The following PIGK variants were observed in gnomAD, a reference collection of about 807,000 sequenced individuals.
PIGK encodes phosphatidylinositol glycan anchor biosynthesis class K, also known as GPI-anchor transamidase.
PIGK carries 42 observed loss-of-function variants against 50.6 expected under a neutral mutation model. That is an observed-to-expected ratio of 0.83 (90% CI 0.65 to 1.07). PIGK has a LOEUF of 1.07. PIGK is among the 50% of genes least tolerant of loss of function. The probability of loss-of-function intolerance (pLI) is 0.00; values close to 1 mark genes in which losing one functional copy is unlikely to be tolerated. For synonymous variants in PIGK, 151 were observed against 156.0 expected, an observed-to-expected ratio of 0.97 and a Z score of 0.24; for missense variants, 448 against 488.7, an observed-to-expected ratio of 0.92 and a Z score of 0.78.
At chr1:77,210,052 A>G (rs769968147) in intron 2 of PIGK, among the ~76,000 whole-genome samples, 1 of 152,072 alleles carries the variant, frequency 6.6e-6, no homozygotes, top group African/African-American at 2.4e-5. Context: ...TTATTTTTAT[A>G]AGCAGAAAAA....
At chr1:77,119,783 T>C in intron 10 of PIGK, among the ~76,000 whole-genome samples, 1 of 152,180 alleles carries the variant, frequency 6.6e-6, no homozygotes, top group East Asian at 1.9e-4. Context: ...AGCTTCTAAG[T>C]TGTGCTACTA....
At chr1:77,171,455 A>AAAAAAAAAAAAAAAAAAT in intron 3 of PIGK, among the ~76,000 whole-genome samples, 1 of 148,892 alleles carries the variant, frequency 6.7e-6, no homozygotes, top group Non-Finnish European at 1.5e-5. Flanking sequence ...AAAAAAAAAA[A>AAAAAAAAAAAAAAAAAAT]AAAAAAAAGA....
intron 10 of PIGK, among the ~76,000 whole-genome samples, chr1:77,104,703 C>A (rs1423190326): frequency 6.6e-6 from 1 of 152,164 alleles, no homozygotes; most frequent in Admixed American, 6.5e-5. Flanking sequence ...AACACAGGCA[C>A]CCTGTTTACT....
At chr1:77,166,638 GT>G (rs1655240692) in intron 5 of PIGK, 80 bp downstream of exon 5, 5 of 668,420 alleles carry the variant, frequency 7.5e-6, no homozygotes, top group Non-Finnish European at 1.0e-5. Context: ...CATTTCACGT[GT>G]TTAAATTTCT....
intron 9 of PIGK, among the ~76,000 whole-genome samples, chr1:77,145,164 T>C (rs1313236018): frequency 1.3e-5 from 2 of 151,994 alleles, no homozygotes; most frequent in Non-Finnish European, 2.9e-5. Context: ...CAAAGAGATG[T>C]TACTATTGAA....
intron 1 of PIGK, among the ~76,000 whole-genome samples, chr1:77,211,856 T>G (rs1656429818): frequency 6.6e-6 from 1 of 151,626 alleles, no homozygotes; most frequent in South Asian, 2.1e-4. Context: ...GGGGCCTGAT[T>G]GCTTTTAAAC....
intron 5 of PIGK, among the ~76,000 whole-genome samples, chr1:77,164,338 T>C (rs11162280): frequency 3.3e-5 from 5 of 152,080 alleles, no homozygotes; most frequent in Admixed American, 2.0e-4. Context: ...GAGCAGAAGA[T>C]TGTGCTATTT....
At chr1:77,106,405 T>G (rs1303816649) in intron 10 of PIGK, among the ~76,000 whole-genome samples, 1 of 152,164 alleles carries the variant, frequency 6.6e-6, no homozygotes, top group Non-Finnish European at 1.5e-5. Flanking sequence ...CAAATTAACT[T>G]TTTGGAACAC....
chr1:77,169,423 T>C (rs764865294), intron 3 of PIGK, 28 bp from the exon 4 acceptor site: 2 of 1,535,154 alleles, frequency 1.3e-6, no homozygotes, highest in Non-Finnish European at 1.8e-6. Context: ...AGTAAATATA[T>C]AATTTAGATA....
intron 9 of PIGK, among the ~76,000 whole-genome samples, chr1:77,132,704 A>G (rs1654406591): frequency 6.6e-6 from 1 of 152,016 alleles, no homozygotes; most frequent in Non-Finnish European, 1.5e-5. Context: ...TTCTGGCTGA[A>G]GAATTTCATT....
At chr1:77,107,674 A>C (rs1653721066) in intron 10 of PIGK, among the ~76,000 whole-genome samples, 1 of 152,042 alleles carries the variant, frequency 6.6e-6, no homozygotes, top group African/African-American at 2.4e-5. Flanking sequence ...GATCTGTCTA[A>C]TGTTGACAGT....
intron 3 of PIGK, among the ~76,000 whole-genome samples, chr1:77,183,247 T>C (rs1163834274): frequency 6.6e-6 from 1 of 152,140 alleles, no homozygotes; most frequent in Non-Finnish European, 1.5e-5. Context: ...GTCACTGAGT[T>C]TGTAAACTCT....
chr1:77,195,449 A>G lies in PIGK; in HGVS notation c.239+11191T>C, dbSNP rs1037802874. ...TGTTTCCACAGGAATCTTTTGGTCA[A>G]TAAAATAGTTTGACTCAGAAAAAAA... is the stretch of plus-strand genomic sequence containing the variant. On this transcript the variant is annotated intron_variant, in intron 3 of 10. Coordinates refer to ENST00000370812, the MANE Select transcript of PIGK (RefSeq NM_005482.3). 1.1e-5 allele frequency: 10 copies of G among 942,142 alleles called. 1 individual carries two copies. The South Asian group carries it at 2.0e-4, about 19-fold the overall frequency. 58.4% of individuals were successfully genotyped at this position (942,142 alleles called of 1,614,324 possible).
chr1:77,109,341 A>G (rs1425214973), intron 10 of PIGK, among the ~76,000 whole-genome samples: 1 of 152,210 alleles, frequency 6.6e-6, no homozygotes, highest in East Asian at 1.9e-4. Flanking sequence ...CCTGATTAAC[A>G]TCAATGCAAA....
intron 3 of PIGK, among the ~76,000 whole-genome samples, chr1:77,184,466 C>T (rs1655694748): frequency 6.6e-6 from 1 of 152,154 alleles, no homozygotes; most frequent in South Asian, 2.1e-4. Context: ...TCCCATCCTT[C>T]CCACAAGAAA....
chr1:77,134,876 A>G (rs1458877655), intron 9 of PIGK, among the ~76,000 whole-genome samples: 2 of 152,126 alleles, frequency 1.3e-5, no homozygotes, highest in Non-Finnish European at 2.9e-5. Flanking sequence ...GTTTTTAAAT[A>G]TTATTCTAAG....
At chr1:77,104,016 G>A (rs1465512407) in intron 10 of PIGK, among the ~76,000 whole-genome samples, 1 of 144,862 alleles carries the variant, frequency 6.9e-6, no homozygotes, top group African/African-American at 2.5e-5. Context: ...AGGATAGTGG[G>A]GCTATCTTAA....
At chr1:77,154,219 T>A in intron 9 of PIGK, 1 of 518,620 alleles carries the variant, frequency 1.9e-6, no homozygotes, top group South Asian at 3.4e-5. Flanking sequence ...ACTAGCAAGA[T>A]TGTCTTTTGG....
chr1:77,136,643 G>C (rs1426464783), intron 9 of PIGK, among the ~76,000 whole-genome samples: 1 of 151,650 alleles, frequency 6.6e-6, no homozygotes, highest in Non-Finnish European at 1.5e-5. Context: ...TATGTACTTA[G>C]GGAGTTCTAA....
Sources: allele counts gnomAD v4.1 joint callset (sites outside exome capture counted in the v4.1 genomes callset), GRCh38; gene constraint gnomAD v4.1.1; transcripts MANE v1.5; gene names NCBI Gene and HGNC (gene_info 2026-07-23, HGNC 2026-07-21).